The following SLCO5A1 variants were observed in gnomAD, a reference collection of about 807,000 sequenced individuals.
The protein encoded by SLCO5A1 is solute carrier organic anion transporter family member 5A1, also known as organic anion transporter polypeptide-related protein 4.
In SLCO5A1, 39 loss-of-function variants were observed where a neutral mutation model predicts 65.1. That is an observed-to-expected ratio of 0.60 (90% CI 0.46 to 0.78). The LOEUF is 0.78. Ranked by LOEUF, SLCO5A1 falls within the 30% of genes least tolerant of loss-of-function variation. SLCO5A1 has a pLI of 0.00. For synonymous variants in SLCO5A1, 438 were observed against 415.7 expected (o/e 1.05, Z -0.65); for missense variants, 1,029 against 1,069.4 (o/e 0.96, Z 0.53).
At chr8:69,684,019 C>A (rs1413225515) in intron 6 of SLCO5A1, among the ~76,000 whole-genome samples, 1 of 152,032 alleles carries the variant, frequency 6.6e-6, no homozygotes, top group Admixed American at 6.5e-5. Flanking sequence ...GAAACAAATT[C>A]AAAACAATAT....
chr8:69,823,461 G>T (rs1820736603), intron 2 of SLCO5A1, among the ~76,000 whole-genome samples: 1 of 152,134 alleles, frequency 6.6e-6, no homozygotes, highest in African/African-American at 2.4e-5. Flanking sequence ...ACAAAAAAAG[G>T]CAGGGGTTGC....
rs768591024 is a variant in SLCO5A1, at chr8:69,832,578, G to A, written c.96C>T (p.Thr32=). The A allele has an allele frequency of 1.4e-5, 23 of 1,612,864 alleles. 1 individual carries two copies. The South Asian group carries it at 2.3e-4, about 16-fold the overall frequency. ...EAVQERCEPE[T]LRSKSLPVLS... is the part of the protein sequence containing the mutation. ...GGACCGGTAAACTCTTAGACCTGAGGGTCTCCGGCTCGCACCTCTCTTGGA... is the reference window on the plus strand; with the variant it reads ...GGACCGGTAAACTCTTAGACCTGAGAGTCTCCGGCTCGCACCTCTCTTGGA... The change falls in exon 2 of 10, where the codon ACC becomes ACT. Residue 32 remains threonine, a synonymous_variant. Transcript: ENST00000260126. The surrounding 1 kb of genome is among the most constrained non-coding windows in gnomAD (Gnocchi z 4.5).
intron 5 of SLCO5A1, among the ~76,000 whole-genome samples, chr8:69,716,433 TCAG>T (rs1169828625): frequency 6.6e-6 from 1 of 152,248 alleles, no homozygotes. Context: ...TTTCACATTC[TCAG>T]CAGCAGTGTA....
At chr8:69,758,919 C>T (rs781371374) in intron 3 of SLCO5A1, among the ~76,000 whole-genome samples, 12 of 152,162 alleles carry the variant, frequency 7.9e-5, no homozygotes, top group South Asian at 4.1e-4. Flanking sequence ...AGCTGTGCTC[C>T]GGAGTCAGTT....
chr8:69,698,709 T>C (rs1246498830), intron 6 of SLCO5A1, among the ~76,000 whole-genome samples: 2 of 152,226 alleles, frequency 1.3e-5, no homozygotes, highest in Admixed American at 1.3e-4. Context: ...GGGCTGATAA[T>C]TTTTTAACCT....
intron 5 of SLCO5A1, among the ~76,000 whole-genome samples, chr8:69,711,074 A>T (rs1815223695): frequency 6.6e-6 from 1 of 152,074 alleles, no homozygotes; most frequent in Non-Finnish European, 1.5e-5. Context: ...GGGTGAGCTT[A>T]TGGAGCGGCT....
chr8:69,805,966 T>C (rs990804974), intron 2 of SLCO5A1, among the ~76,000 whole-genome samples: 9 of 152,176 alleles, frequency 5.9e-5, no homozygotes, highest in Non-Finnish European at 1.3e-4. Context: ...TCCAAGACAA[T>C]AGTTTCCAAA....
chr8:69,786,872 C>T (rs1212668323), intron 2 of SLCO5A1, among the ~76,000 whole-genome samples: 2 of 152,150 alleles, frequency 1.3e-5, no homozygotes, highest in Non-Finnish European at 2.9e-5. Flanking sequence ...AAGTAAAAGC[C>T]TTGACAACTC....
Position 69,668,838 on chromosome 8 carries a change from C to G in SLCO5A1, c.*4031G>C, listed in dbSNP as rs1813254475. The G allele has an allele frequency of 6.6e-6, 1 of 151,964 alleles. No individual in the cohort carries two copies. Among genetic ancestry groups the G allele is most frequent in the African/African-American group, 2.4e-5 (1 of 41,370 alleles). The allele number at this position is 151,964 out of a possible 1,614,324, so 9.4% of individuals were successfully genotyped here. A position where few individuals can be genotyped will look rare whatever the true frequency, so the allele number is the denominator to read the frequency against. ...GGCTGACATTTCCAAGTGCATGCCA[C>G]TAAAGGTAACAATGTCACAGCGACT... On this transcript the variant is annotated 3_prime_UTR_variant, in exon 10 of 10. Coordinates refer to ENST00000260126, the MANE Select transcript of SLCO5A1 (RefSeq NM_030958.3).
chr8:69,733,522 T>A (rs892387638), intron 5 of SLCO5A1, among the ~76,000 whole-genome samples: 38 of 152,186 alleles, frequency 2.5e-4, no homozygotes, highest in Non-Finnish European at 3.4e-4. Context: ...TCCTTCAGGG[T>A]TGATACGGTT....
At chr8:69,706,737 TG>T (rs1442154826) in intron 5 of SLCO5A1, among the ~76,000 whole-genome samples, 26 of 152,350 alleles carry the variant, frequency 1.7e-4, no homozygotes, top group South Asian at 1.0e-3. Flanking sequence ...ACCCAGTCTA[TG>T]GTAATTTTGT....
At chr8:69,761,708 G>C in intron 3 of SLCO5A1, 35 bp downstream of exon 3, 1 of 1,602,396 alleles carries the variant, frequency 6.2e-7, no homozygotes, top group Non-Finnish European at 8.5e-7. Context: ...TTATTAGTAA[G>C]AACTGAAATT....
chr8:69,815,078 T>C (rs1349761962), intron 2 of SLCO5A1, among the ~76,000 whole-genome samples: 1 of 152,188 alleles, frequency 6.6e-6, no homozygotes, highest in Non-Finnish European at 1.5e-5. Context: ...ATGTTTTTAA[T>C]TTCTATTCCA....
chr8:69,731,952 A>G (rs1159553587), intron 5 of SLCO5A1, among the ~76,000 whole-genome samples: 2 of 152,246 alleles, frequency 1.3e-5, no homozygotes, highest in Non-Finnish European at 2.9e-5. Context: ...CTTAATCTCA[A>G]CATTAAAGAG....
intron 2 of SLCO5A1, among the ~76,000 whole-genome samples, chr8:69,808,202 C>T (rs1820087339): frequency 1.4e-5 from 2 of 147,554 alleles, no homozygotes; most frequent in South Asian, 4.3e-4. Context: ...TTCAGGAGTA[C>T]ATGTGCAGGT....
chr8:69,745,997 G>A (rs1256914503), intron 4 of SLCO5A1, among the ~76,000 whole-genome samples: 3 of 152,178 alleles, frequency 2.0e-5, no homozygotes, highest in Non-Finnish European at 2.9e-5. Context: ...ATGCAGAAAT[G>A]TGTCAACCCT....
chr8:69,689,899 G>A (rs1383702104), intron 6 of SLCO5A1, among the ~76,000 whole-genome samples: 1 of 152,120 alleles, frequency 6.6e-6, no homozygotes, highest in African/African-American at 2.4e-5. Context: ...GCTTGATGGG[G>A]ATGGCATTGA....
intron 5 of SLCO5A1, among the ~76,000 whole-genome samples, chr8:69,717,154 T>TC (rs1815587040): frequency 6.6e-6 from 1 of 152,232 alleles, no homozygotes; most frequent in Non-Finnish European, 1.5e-5. Context: ...ATCTATTTTT[T>TC]CTTTGGTTAT....
Position 69,723,456 on chromosome 8 carries a change from A to G in SLCO5A1, c.1423+14584T>C, listed in dbSNP as rs113567674. 3.2e-3 allele frequency among the ~76,000 whole-genome samples: 492 copies of G among 151,430 alleles called. 3 individuals are homozygous for G. Among genetic ancestry groups the G allele is most frequent in the African/African-American group, 0.011 (451 of 41,276 alleles). ...TTTTTTGTAGAGATGAGGTCTCACT[A>G]TGTTGCCCAGGCTCAAACTCCTGGG... On this transcript the variant is annotated intron_variant, in intron 5 of 9. Coordinates refer to ENST00000260126, the MANE Select transcript of SLCO5A1 (RefSeq NM_030958.3).
Sources: allele counts gnomAD v4.1 joint callset (sites outside exome capture counted in the v4.1 genomes callset), GRCh38; gene constraint gnomAD v4.1.1; non-coding constraint Gnocchi (gnomAD v3.1); transcripts MANE v1.5; gene names NCBI Gene and HGNC (gene_info 2026-07-23, HGNC 2026-07-21).